AP5M1: variants seen among roughly 807,000 people sequenced by gnomAD.
AP5M1 encodes adaptor related protein complex 5 subunit mu 1, also known as AP-5 complex subunit mu-1.
A neutral mutation model predicts 52.3 loss-of-function variants in AP5M1; 44 were observed. The ratio of observed to expected loss-of-function variants is 0.84; its 90% CI spans 0.66 to 1.08. AP5M1 has a LOEUF of 1.08. AP5M1 is among the 50% of genes least tolerant of loss of function. The pLI is 0.00. For missense variants in AP5M1, 526 were observed against 568.4 expected (o/e 0.93, Z 0.76); for synonymous variants, 213 against 199.0 (o/e 1.07, Z -0.59).
At chr14:57,275,214 G>T in intron 2 of AP5M1, 1 of 346,020 alleles carries the variant, frequency 2.9e-6, no homozygotes, top group Non-Finnish European at 5.4e-6. Flanking sequence ...TGAGGCTATA[G>T]TCATCTGAAG....
rs139354437 is a variant in AP5M1, at chr14:57,292,234, C to T, written c.*3350C>T. On this transcript the variant is annotated 3_prime_UTR_variant, in exon 8 of 8. Coordinates refer to ENST00000261558, the MANE Select transcript of AP5M1 (RefSeq NM_018229.4). ...TCCCTGTTATGCAAATACCTTCAAT[C>T]CTCTGCTAAGTTCAGTGGAAATAAT... 5 of 151,932 alleles carry T rather than the reference C, an allele frequency of 3.3e-5. No individual in the cohort carries two copies. The highest frequency in any genetic ancestry group is 9.6e-5 in the African/African-American group (4 of 41,512). 9.4% of individuals were successfully genotyped at this position (151,932 alleles called of 1,614,324 possible). A position where few individuals can be genotyped will look rare whatever the true frequency, so the allele number is the denominator to read the frequency against.
chr14:57,278,212 T>C (rs1594701650), intron 2 of AP5M1, among the ~76,000 whole-genome samples: 1 of 152,172 alleles, frequency 6.6e-6, no homozygotes, highest in African/African-American at 2.4e-5. Context: ...ATATAGAAAT[T>C]AGGGCTTATT....
intron 2 of AP5M1, 105 bp downstream of exon 2, chr14:57,274,994 G>A: frequency 7.3e-7 from 1 of 1,364,860 alleles, no homozygotes; most frequent in African/African-American, 1.5e-5. Context: ...TTCATCTTAA[G>A]CAGCAGTTTT....
intron 1 of AP5M1, chr14:57,273,793 A>G (rs1416982248): frequency 1.4e-6 from 1 of 698,260 alleles, no homozygotes; most frequent in Non-Finnish European, 2.6e-6. Context: ...TACCATCTCA[A>G]CTAATGAATC....
intron 3 of AP5M1, among the ~76,000 whole-genome samples, chr14:57,281,870 C>G (rs914487975): frequency 7.9e-5 from 12 of 152,160 alleles, no homozygotes; most frequent in Non-Finnish European, 1.6e-4. Context: ...AGTATAGGAA[C>G]AAGAATGCAT....
Position 57,283,179 on chromosome 14 carries a change from T to C in AP5M1, c.1242T>C (p.His414=), listed in dbSNP as rs1885226880. 6.2e-7 allele frequency: 1 copy of C among 1,613,868 alleles called. No homozygotes were observed. Residue 414 remains histidine, a synonymous_variant, in exon 6 of 8, where the codon CAT becomes CAC. Transcript: ENST00000261558. ...CTGTAACTTTTGGAGCCAAGAGCCA[T>C]GAGAAGCAGCCATTTGACCCAATTT... ...SGTVTFGAKS[H]EKQPFDPICT...
intron 4 of AP5M1, among the ~76,000 whole-genome samples, chr14:57,282,706 A>G (rs1483296501): frequency 6.6e-6 from 1 of 152,188 alleles, no homozygotes; most frequent in Admixed American, 6.5e-5. Context: ...ATGATTTCAT[A>G]GTTGTCTTAA....
rs777532229 is a variant in AP5M1, at chr14:57,297,173, T to C, written c.*8289T>C. ...TGGATATGTAGGGTAAATATAAATG[T>C]CTAATGAAAGTAATTACTATTATAT... is the stretch of plus-strand genomic sequence containing the variant. On this transcript the variant is annotated 3_prime_UTR_variant, in exon 8 of 8. Transcript: ENST00000261558. 1 of 152,068 alleles carries C rather than the reference T, an allele frequency of 6.6e-6. No homozygotes were observed. Among genetic ancestry groups the C allele is most frequent in the Non-Finnish European group, 1.5e-5 (1 of 68,000 alleles). The allele number at this position is 152,068 out of a possible 1,614,324, so 9.4% of individuals were successfully genotyped here.
At chr14:57,273,861 T>C in intron 1 of AP5M1, 3 of 622,694 alleles carry the variant, frequency 4.8e-6, no homozygotes, top group African/African-American at 1.8e-5. Context: ...GCTACTAAGA[T>C]AGAATCAGAA....
In AP5M1 at chr14:57,274,632, A is replaced by G. The variant is rs113292950; in HGVS notation, c.463A>G (p.Lys155Glu). The G allele has an allele frequency of 1.4e-5, 22 of 1,614,222 alleles. 1 individual carries two copies. Among genetic ancestry groups the G allele is most frequent in the South Asian group, 1.1e-4 (10 of 91,086 alleles). ...GQKNDSELNTKLSQLPDLLLQ... is the reference protein window; with the variant it reads ...GQKNDSELNTELSQLPDLLLQ... Reference sequence around the variant, plus strand: ...AAAAAATGACTCTGAGCTGAATACAAAATTGAGCCAGTTGCCTGACTTGCT... The same window carrying G: ...AAAAAATGACTCTGAGCTGAATACAGAATTGAGCCAGTTGCCTGACTTGCT... The change falls in exon 2 of 8, where the codon AAA becomes GAA. Residue 155 changes from lysine (K) to glutamate (E), a missense_variant. Lys to Glu is a moderately conservative substitution (Grantham distance 56). Around this residue, in one of 3 missense-constraint regions of AP5M1, gnomAD observed 425 missense variants for 430.6 expected, o/e 0.99. Coordinates refer to ENST00000261558, the MANE Select transcript of AP5M1 (RefSeq NM_018229.4).
In AP5M1 at chr14:57,293,000, C is replaced by A. The variant is rs572536668; in HGVS notation, c.*4116C>A. The A allele has an allele frequency of 1.3e-5, 2 of 151,410 alleles. No individual in the cohort carries two copies. Among genetic ancestry groups the A allele is most frequent in the Non-Finnish European group, 3.0e-5 (2 of 67,688 alleles). 9.4% of individuals were successfully genotyped at this position (151,410 alleles called of 1,614,324 possible). ...AAAAGTGACAGCATTACCAAAATAG[C>A]CGAGTAATTAAATTTTTTCTGCCTG... On this transcript the variant is annotated 3_prime_UTR_variant, in exon 8 of 8. Transcript: ENST00000261558.
chr14:57,293,381 T>C lies in AP5M1; in HGVS notation c.*4497T>C, dbSNP rs182744519. On this transcript the variant is annotated 3_prime_UTR_variant, in exon 8 of 8. Transcript: ENST00000261558. ...CAATACAAGGGATGTATTTAGATTA[T>C]TATACTTTTTTTGGCTCAGACTTTT... 1.3e-5 allele frequency: 2 copies of C among 151,886 alleles called. No homozygotes were observed. Among genetic ancestry groups the C allele is most frequent in the East Asian group, 3.9e-4 (2 of 5,176 alleles). 9.4% of individuals were successfully genotyped at this position (151,886 alleles called of 1,614,324 possible). A position where few individuals can be genotyped will look rare whatever the true frequency, so the allele number is the denominator to read the frequency against.
chr14:57,281,573 C>T (rs1277406752), intron 3 of AP5M1, among the ~76,000 whole-genome samples: 1 of 152,234 alleles, frequency 6.6e-6, no homozygotes, highest in African/African-American at 2.4e-5. Context: ...TCTGCTTACA[C>T]ATGACCTTAC....
chr14:57,286,908 A>G (rs1369853341), intron 7 of AP5M1, among the ~76,000 whole-genome samples: 1 of 152,054 alleles, frequency 6.6e-6, no homozygotes, highest in Non-Finnish European at 1.5e-5. Context: ...TATTCTATCA[A>G]TAGGAAGACA....
chr14:57,271,631 CA>C (rs10713934), intron 1 of AP5M1, among the ~76,000 whole-genome samples: 25,084 of 152,092 alleles, frequency 0.16, 4,301 homozygotes, highest in African/African-American at 0.44. Context: ...TTACCATTGT[CA>C]ATTAACTTTA....
rs940353488 is a variant in AP5M1 at position 57,292,399 on chromosome 14, A to G, written c.*3515A>G. The G allele has an allele frequency of 6.6e-6, 1 of 151,852 alleles. No homozygotes were observed. Among genetic ancestry groups the G allele is most frequent in the Non-Finnish European group, 1.5e-5 (1 of 67,820 alleles). 9.4% of individuals were successfully genotyped at this position (151,852 alleles called of 1,614,324 possible). ...TTAGGGAGATCACTAGAACACTACC[A>G]GGGTGTGCGTTTATTCTCTATAACC... On this transcript the variant is annotated 3_prime_UTR_variant, in exon 8 of 8. Transcript: ENST00000261558.
rs1413602165 is a variant in AP5M1, at chr14:57,286,339, A to G, written c.1390+20A>G. On this transcript the variant is annotated intron_variant, in intron 7 of 7. Coordinates refer to ENST00000261558, the MANE Select transcript of AP5M1 (RefSeq NM_018229.4). Reference sequence around the variant, plus strand: ...GTGCACGTAAGTTACACAGATTCAAACTAACTTAAGGGAATTAAAATGGTG... The same window carrying G: ...GTGCACGTAAGTTACACAGATTCAAGCTAACTTAAGGGAATTAAAATGGTG... 10 of 1,480,590 alleles carry G rather than the reference A, an allele frequency of 6.8e-6. No homozygotes were observed. The highest frequency in any genetic ancestry group is 8.5e-6 in the Non-Finnish European group (9 of 1,059,866). The allele number at this position is 1,480,590 out of a possible 1,614,324, so 91.7% of individuals were successfully genotyped here.
chr14:57,283,317 C>A, intron 6 of AP5M1, 87 bp downstream of exon 6: 1 of 789,536 alleles, frequency 1.3e-6, no homozygotes, highest in Non-Finnish European at 2.0e-6. Context: ...ATGTTTTCCA[C>A]CAATTGTTTT....
At position 57,291,631 on chromosome 14, in the gene AP5M1, A is replaced by T. The variant is rs1885437271; in HGVS notation, c.*2747A>T. On this transcript the variant is annotated 3_prime_UTR_variant, in exon 8 of 8. Transcript: ENST00000261558. Reference sequence around the variant, plus strand: ...ATTATTTGTTTAAAAAATTTTTTTTATTAAACATTAGTCTGTCCCATAAAA... The same window carrying T: ...ATTATTTGTTTAAAAAATTTTTTTTTTTAAACATTAGTCTGTCCCATAAAA... 1 of 151,776 alleles carries T rather than the reference A, an allele frequency of 6.6e-6. No homozygotes were observed. The highest frequency in any genetic ancestry group is 1.5e-5 in the Non-Finnish European group (1 of 67,818). The allele number at this position is 151,776 out of a possible 1,614,324, so 9.4% of individuals were successfully genotyped here.
Sources: allele counts gnomAD v4.1 joint callset (sites outside exome capture counted in the v4.1 genomes callset), GRCh38; gene constraint gnomAD v4.1.1; regional missense constraint gnomAD v4.1.1; transcripts MANE v1.5; gene names NCBI Gene and HGNC (gene_info 2026-07-23, HGNC 2026-07-21).